GLG1: variants seen among roughly 807,000 people sequenced by gnomAD.
GLG1 encodes Golgi apparatus protein 1.
GLG1 carries 38 observed loss-of-function variants against 160.5 expected under a neutral mutation model. That is an observed-to-expected ratio of 0.24 (90% CI 0.18 to 0.31). GLG1 has a LOEUF of 0.31. GLG1 is among the 10% of genes least tolerant of loss of function. The pLI, the probability that GLG1 is intolerant of heterozygous loss-of-function variation, is 1.00. For missense variants in GLG1, 1,373 were observed against 1,505.2 expected (o/e 0.91, Z 1.45); for synonymous variants, 644 against 543.4 (o/e 1.19, Z -2.57).
intron 8 of GLG1, among the ~76,000 whole-genome samples, chr16:74,488,723 G>A (rs888241502): frequency 6.6e-6 from 1 of 152,016 alleles, no homozygotes; most frequent in Non-Finnish European, 1.5e-5. Flanking sequence ...AGGTTCAAGC[G>A]ATTCTCCTAC....
chr16:74,558,063 A>C (rs2018401241), intron 1 of GLG1, among the ~76,000 whole-genome samples: 1 of 152,190 alleles, frequency 6.6e-6, no homozygotes, highest in Admixed American at 6.5e-5. Flanking sequence ...AAAATTTAAA[A>C]TATTTGCATT....
chr16:74,492,419 A>T (rs937783547), intron 7 of GLG1, among the ~76,000 whole-genome samples: 2 of 151,630 alleles, frequency 1.3e-5, no homozygotes, highest in South Asian at 2.1e-4. Context: ...ACAGTGGCTC[A>T]CGCCTGTAAT....
chr16:74,584,193 G>C (rs1957996793), intron 1 of GLG1, among the ~76,000 whole-genome samples: 1 of 152,146 alleles, frequency 6.6e-6, no homozygotes, highest in African/African-American at 2.4e-5. Context: ...ACAAAACTAA[G>C]TTAATATAGA....
rs76568262 is a variant in GLG1, at chr16:74,520,260, T to A, written c.472-11335A>T. Among the ~76,000 whole-genome samples the A allele has an allele frequency of 7.1e-3, 1,086 of 152,286 alleles. 6 individuals are homozygous for A. Among genetic ancestry groups the A allele is most frequent in the African/African-American group, 0.025 (1,031 of 41,558 alleles). The stretch of plus-strand genomic sequence containing the variant: ...TTCCTTTGCTTTTCTCTCAGGCTGA[T>A]TCATTAGTCACTGGGTTCTTAATCT... On this transcript the variant is annotated intron_variant, in intron 2 of 25. Coordinates refer to ENST00000422840, the MANE Select transcript of GLG1 (RefSeq NM_001145667.2).
At chr16:74,492,084 G>A (rs936631462) in intron 7 of GLG1, among the ~76,000 whole-genome samples, 3 of 150,988 alleles carry the variant, frequency 2.0e-5, no homozygotes, top group African/African-American at 7.3e-5. Flanking sequence ...TGCACAATGT[G>A]TATTTCAAAA....
Position 74,456,561 on chromosome 16 carries a change from T to C in GLG1, c.3372+88A>G, listed in dbSNP as rs1200307713. ...GACAGCCACAGCGAGGAGAGTGGCA[T>C]GGCCTTTGCTCAAGGATGACATGCA... On this transcript the variant is annotated intron_variant, in intron 25 of 25. Transcript: ENST00000422840. 7 of 807,326 alleles carry C rather than the reference T, an allele frequency of 8.7e-6. No individual in the cohort carries two copies. The East Asian group carries it at 1.7e-4, about 20-fold the overall frequency. The allele number at this position is 807,326 out of a possible 1,614,324, so 50.0% of individuals were successfully genotyped here.
intron 25 of GLG1, among the ~76,000 whole-genome samples, chr16:74,456,137 C>T (rs1343168785): frequency 6.6e-6 from 1 of 152,250 alleles, no homozygotes; most frequent in East Asian, 1.9e-4. Flanking sequence ...TCATCATAGG[C>T]GAGGCTGGAT....
At chr16:74,530,326 C>T (rs1236157844) in intron 2 of GLG1, among the ~76,000 whole-genome samples, 3 of 152,154 alleles carry the variant, frequency 2.0e-5, no homozygotes, top group Admixed American at 6.6e-5. Flanking sequence ...TTTAGGTTGA[C>T]TGTTTTATAG....
intron 20 of GLG1, 108 bp downstream of exon 20, chr16:74,463,248 A>C: frequency 1.8e-6 from 2 of 1,114,798 alleles, no homozygotes; most frequent in South Asian, 2.9e-5. Context: ...CTCCTCCCTT[A>C]AAATTCCCAG....
At chr16:74,504,223 T>A (rs548709235) in intron 3 of GLG1, among the ~76,000 whole-genome samples, 1 of 152,296 alleles carries the variant, frequency 6.6e-6, no homozygotes, top group Non-Finnish European at 1.5e-5. Flanking sequence ...CTATTATTGT[T>A]AGGCAAACCT....
intron 2 of GLG1, among the ~76,000 whole-genome samples, chr16:74,527,124 A>T (rs1388361011): frequency 6.6e-6 from 1 of 152,114 alleles, no homozygotes; most frequent in Non-Finnish European, 1.5e-5. Context: ...CAATATAAGA[A>T]TATTCCAAAG....
intron 1 of GLG1, among the ~76,000 whole-genome samples, chr16:74,555,120 C>A (rs1186979438): frequency 6.6e-6 from 1 of 152,120 alleles, no homozygotes; most frequent in African/African-American, 2.4e-5. Flanking sequence ...TGGAGATACC[C>A]ACCAGATGGG....
chr16:74,506,746 G>A (rs892306548), intron 3 of GLG1, among the ~76,000 whole-genome samples: 2 of 152,038 alleles, frequency 1.3e-5, no homozygotes, highest in Non-Finnish European at 2.9e-5. Context: ...ATTACAACAG[G>A]GCGTGGTGTT....
intron 1 of GLG1, among the ~76,000 whole-genome samples, chr16:74,561,620 A>T (rs1413669880): frequency 6.6e-6 from 1 of 152,218 alleles, no homozygotes; most frequent in Non-Finnish European, 1.5e-5. Context: ...CCAGTACTAA[A>T]ACTGTTAAGA....
chr16:74,595,839 TTGGGCCAGGTACAG>T (rs1281263709), intron 1 of GLG1, among the ~76,000 whole-genome samples: 4 of 152,134 alleles, frequency 2.6e-5, no homozygotes, highest in Non-Finnish European at 5.9e-5. Context: ...ATAAAAATTA[TTGGGCCAGGTACAG>T]TGGCTCACGC....
intron 1 of GLG1, among the ~76,000 whole-genome samples, chr16:74,561,003 G>A (rs905744714): frequency 2.0e-5 from 3 of 152,238 alleles, no homozygotes; most frequent in Non-Finnish European, 4.4e-5. Flanking sequence ...ATTTTTAGAA[G>A]AGATATAGTC....
At chr16:74,461,226 G>A (rs1163391307) in intron 22 of GLG1, among the ~76,000 whole-genome samples, 3 of 150,684 alleles carry the variant, frequency 2.0e-5, no homozygotes, top group South Asian at 4.2e-4. Flanking sequence ...GGAGTGCAGC[G>A]GTGCAATCTC....
At chr16:74,525,412 T>C (rs1299590428) in intron 2 of GLG1, among the ~76,000 whole-genome samples, 15 of 152,212 alleles carry the variant, frequency 9.9e-5, no homozygotes, top group Admixed American at 9.8e-4. Flanking sequence ...GGTCTCACTA[T>C]GTTGCCCAGG....
At chr16:74,541,324 CAAAAAAA>C (rs59761629) in intron 1 of GLG1, among the ~76,000 whole-genome samples, 6 of 71,930 alleles carry the variant, frequency 8.3e-5, no homozygotes, top group African/African-American at 1.8e-4. Flanking sequence ...GCTCTGTCTC[CAAAAAAA>C]AAAAAAAAAA....
Sources: gnomAD v4.1 joint callset for allele counts (sites outside exome capture counted in the v4.1 genomes callset) on GRCh38, gnomAD v4.1.1 for gene constraint, MANE v1.5 for transcripts, NCBI Gene and HGNC (gene_info 2026-07-23, HGNC 2026-07-21) for gene names.